Variants in EIF2D observed in about 807,000 individuals in gnomAD.
EIF2D encodes eukaryotic translation initiation factor 2D, also known as hepatocellular carcinoma-associated antigen 56.
A neutral mutation model predicts 77.4 loss-of-function variants in EIF2D; 56 were observed. The ratio of observed to expected loss-of-function variants is 0.72; its 90% CI spans 0.58 to 0.90. EIF2D has a LOEUF of 0.90. Among genes scored for constraint, EIF2D ranks in the 40% least tolerant of loss-of-function variants. The probability of loss-of-function intolerance (pLI) is 0.00; values close to 1 mark genes in which losing one functional copy is unlikely to be tolerated. For missense variants in EIF2D, 574 were observed against 706.5 expected, an observed-to-expected ratio of 0.81 and a Z score of 2.13; for synonymous variants, 230 against 271.0, an observed-to-expected ratio of 0.85 and a Z score of 1.49.
In EIF2D at chr1:206,598,987, C is replaced by CT; in HGVS notation, c.1292+15dup. ...AAGACCCAATAAGACAGATCTGGTG[C>CT]TTCTCATGCACTCACTTTTTGTTGT... On this transcript the variant is annotated intron_variant, in intron 11 of 14. Transcript: ENST00000271764. 6.2e-7 allele frequency: 1 copy of CT among 1,613,218 alleles called. No homozygotes were observed. Among genetic ancestry groups the CT allele is most frequent in the Non-Finnish European group, 8.5e-7 (1 of 1,179,206 alleles).
chr1:206,599,015 G>C lies in EIF2D; in HGVS notation c.1280C>G (p.Ala427Gly). 1.2e-6 allele frequency: 2 copies of C among 1,614,062 alleles called. No homozygotes were observed. Among genetic ancestry groups the C allele is most frequent in the Non-Finnish European group, 1.7e-6 (2 of 1,179,964 alleles). Residue 427 changes from alanine (A) to glycine (G), a missense_variant, in exon 11 of 15, where the codon GCA (alanine) becomes GGA (glycine). Coordinates refer to ENST00000271764, the MANE Select transcript of EIF2D (RefSeq NM_006893.3). The surrounding 1 kb of genome is among the most constrained non-coding windows in gnomAD (Gnocchi z 4.1). Reference sequence around the variant, plus strand: ...CTCATGCACTCACTTTTTGTTGTCTGCATCAACCAGGTCATTTTTCTTGGC... The same window carrying C: ...CTCATGCACTCACTTTTTGTTGTCTCCATCAACCAGGTCATTTTTCTTGGC... ...NYAKKNDLVDADNKNLVRLDP... is the reference protein window; with the variant it reads ...NYAKKNDLVDGDNKNLVRLDP...
chr1:206,610,957 CT>C (rs1302323948), intron 2 of EIF2D, among the ~76,000 whole-genome samples: 1 of 152,164 alleles, frequency 6.6e-6, no homozygotes, highest in East Asian at 1.9e-4. Context: ...TATGTCAGCC[CT>C]TTTTTTAATC....
intron 2 of EIF2D, chr1:206,583,150 C>T: frequency 1.5e-6 from 1 of 688,086 alleles, no homozygotes; most frequent in Non-Finnish European, 2.6e-6. Context: ...CAGTTAGTTC[C>T]ACTCTGCAGG....
chr1:206,591,283 C>T (rs945995256), downstream of EIF2D, among the ~76,000 whole-genome samples: 1 of 152,208 alleles, frequency 6.6e-6, no homozygotes, highest in Non-Finnish European at 1.5e-5. Context: ...TCTATCTAGC[C>T]TAAATTCTAC....
At chr1:206,593,486 A>C (rs868945450) in intron 14 of EIF2D, 133 bp downstream of exon 14, 94,723 of 477,182 alleles carry the variant, frequency 0.2, 11,619 homozygotes, top group Middle Eastern at 0.29. Flanking sequence ...AGAGAGAGAG[A>C]GCGAGAGAGA....
intron 5 of EIF2D, chr1:206,605,059 G>A (rs1011414879): frequency 4.4e-5 from 8 of 180,492 alleles, no homozygotes. Context: ...CTCATCATGG[G>A]GTCACATGAT....
At chr1:206,569,730 C>T (rs1668388408), downstream of EIF2D, among the ~76,000 whole-genome samples, 2 of 152,356 alleles carry the variant, frequency 1.3e-5, no homozygotes, top group South Asian at 2.1e-4. Flanking sequence ...GGCTTCTGTG[C>T]CCCTGACCTT....
chr1:206,581,876 C>G (rs1668895546), intron 2 of EIF2D, among the ~76,000 whole-genome samples: 1 of 152,016 alleles, frequency 6.6e-6, no homozygotes, highest in Non-Finnish European at 1.5e-5. Flanking sequence ...AAAGCTCTGT[C>G]ACGGAGGGGG....
rs1668781745 is a variant in EIF2D at position 206,579,397 on chromosome 1, T to C, written c.*254+1295A>G. Reference sequence around the variant, plus strand: ...ACTGTCTGCTTGGTTTCTCGCTTTGTACCCGTGGACAGATCCTTAAGAATC... The same window carrying C: ...ACTGTCTGCTTGGTTTCTCGCTTTGCACCCGTGGACAGATCCTTAAGAATC... On this transcript the variant is annotated intron_variant and NMD_transcript_variant, in intron 4 of 5. Transcript: ENST00000472709. The surrounding 1 kb of genome is among the most constrained non-coding windows in gnomAD (Gnocchi z 4.2). Among the ~76,000 whole-genome samples the C allele has an allele frequency of 6.6e-6, 1 of 152,252 alleles. No individual in the cohort carries two copies. Among genetic ancestry groups the C allele is most frequent in the African/African-American group, 2.4e-5 (1 of 41,468 alleles).
In EIF2D at chr1:206,602,377, T is replaced by C. The variant is rs1558536772; in HGVS notation, c.861A>G (p.Leu287=). ...KCRVKKADLP[L]LTSTFLGSHM... ...GGCTGCCAAGGAAAGTGCTGGTGAG[T>C]AAAGGGAGGTCAGCCTTTTTGACTC... Residue 287 remains leucine (L), a synonymous_variant, in exon 7 of 15, where the codon TTA becomes TTG. Transcript: ENST00000271764. 4.3e-6 allele frequency: 7 copies of C among 1,614,144 alleles called. No homozygotes were observed. Among genetic ancestry groups the C allele is most frequent in the Non-Finnish European group, 5.9e-6 (7 of 1,180,030 alleles).
chr1:206,608,682 A>G (rs1395806259), intron 3 of EIF2D, among the ~76,000 whole-genome samples: 2 of 152,168 alleles, frequency 1.3e-5, no homozygotes, highest in Non-Finnish European at 2.9e-5. Context: ...TTTTATTCAA[A>G]TGGTGGTTTC....
downstream of EIF2D, chr1:206,587,645 T>C (rs533629148): frequency 2.6e-5 from 4 of 154,162 alleles, no homozygotes; most frequent in South Asian, 6.1e-4. Context: ...CTGGCCCACA[T>C]TGCACATGGA....
At chr1:206,578,232 A>AAG (rs1553405557) in intron 4 of EIF2D, among the ~76,000 whole-genome samples, 2 of 130,422 alleles carry the variant, frequency 1.5e-5, no homozygotes, top group African/African-American at 6.0e-5. Context: ...CAAAAAAAAA[A>AAG]AGTGTGTGTG....
chr1:206,607,700 AAAAC>A (rs553334294), intron 4 of EIF2D, among the ~76,000 whole-genome samples: 162 of 152,310 alleles, frequency 1.1e-3, no homozygotes, highest in Middle Eastern at 3.4e-3. Context: ...CAACAACAAA[AAAAC>A]AAAAAAGGTC....
chr1:206,587,366 T>C (rs782222395), downstream of EIF2D: 6 of 316,090 alleles, frequency 1.9e-5, no homozygotes, highest in African/African-American at 4.4e-5. Context: ...TGATTCCTCT[T>C]TGAGTTCTCT....
chr1:206,602,447 A>G lies in EIF2D; in HGVS notation c.791T>C (p.Met264Thr), dbSNP rs781881927. The G allele has an allele frequency of 7.4e-6, 12 of 1,613,480 alleles. No individual in the cohort carries two copies. Among genetic ancestry groups the G allele is most frequent in the Non-Finnish European group, 1.0e-5 (12 of 1,179,642 alleles). Residue 264 changes from methionine (M) to threonine (T), a missense_variant, in exon 7 of 15, where the codon ATG (methionine) becomes ACG (threonine). Met to Thr is a moderately conservative substitution (Grantham distance 81). Transcript: ENST00000271764. Reference protein sequence around the residue: ...STDSKTLQEQMDELLQQCFLH... With the variant: ...STDSKTLQEQTDELLQQCFLH... ...GAAGCATTGCTGTAACAGCTCATCCATTTGTTCTGCAGGGAAAAGACAAGA... is the reference window on the plus strand; with the variant it reads ...GAAGCATTGCTGTAACAGCTCATCCGTTTGTTCTGCAGGGAAAAGACAAGA...
In EIF2D at chr1:206,605,420, G is replaced by C. The variant is rs1430822811; in HGVS notation, c.510C>G (p.His170Gln). The stretch of plus-strand genomic sequence containing the variant: ...CCCACCACAAGTGGTCCTGGTAAGT[G>C]TGGAGCACAGAGAAGCCCCTTCCCT... The part of the protein sequence containing the change: ...GLKGRGFSVL[H>Q]TYQDHLWRSG... The change falls in exon 5 of 15, where the codon CAC (histidine) becomes CAG (glutamine). Residue 170 changes from histidine (H) to glutamine (Q), a missense_variant. Physicochemically the swap from His to Gln is conservative, Grantham distance 24. Transcript: ENST00000271764. The C allele has an allele frequency of 6.2e-7, 1 of 1,614,072 alleles. No individual in the cohort carries two copies. Among genetic ancestry groups the C allele is most frequent in the Non-Finnish European group, 8.5e-7 (1 of 1,180,002 alleles).
At position 206,584,273 on chromosome 1, in the gene EIF2D, C is replaced by A. The variant is rs1252173035; in HGVS notation, c.139-3111G>T. On this transcript the variant is annotated intron_variant and NMD_transcript_variant, in intron 2 of 5. Coordinates refer to the EIF2D transcript ENST00000472709. This position sits in a 1 kb window ranked among gnomAD's most constrained non-coding sequence, Gnocchi z 4.9. The stretch of plus-strand genomic sequence containing the variant: ...TCCAGCTCTCCCACGTCAGCAGAGG[C>A]AGGAAAGAACTCAAGGAGACAGGTG... 2 of 1,006,866 alleles carry A rather than the reference C, an allele frequency of 2.0e-6. No individual in the cohort carries two copies. Among genetic ancestry groups the A allele is most frequent in the Non-Finnish European group, 2.9e-6 (2 of 691,504 alleles). 62.4% of individuals were successfully genotyped at this position (1,006,866 alleles called of 1,614,324 possible). A position where few individuals can be genotyped will look rare whatever the true frequency, so the allele number is the denominator to read the frequency against.
chr1:206,595,480 T>C, intron 13 of EIF2D: 1 of 347,410 alleles, frequency 2.9e-6, no homozygotes, highest in Non-Finnish European at 5.2e-6. Context: ...TTGTTTACTT[T>C]TGGAACCAGG....
Sources: allele counts gnomAD v4.1 joint callset (sites outside exome capture counted in the v4.1 genomes callset), GRCh38; gene constraint gnomAD v4.1.1; non-coding constraint Gnocchi (gnomAD v3.1); transcripts MANE v1.5; gene names NCBI Gene and HGNC (gene_info 2026-07-23, HGNC 2026-07-21).